Variants in CCAR1 observed in about 807,000 individuals in gnomAD.
CCAR1 encodes cell division cycle and apoptosis regulator protein 1.
Under a neutral mutation model 163.8 loss-of-function variants are expected in CCAR1, and 78 were observed. That is an observed-to-expected ratio of 0.48 (90% CI 0.40 to 0.57). The LOEUF (loss-of-function observed/expected upper bound fraction) is 0.57, where lower values mean the gene tolerates loss of function less well. CCAR1 is among the 20% of genes least tolerant of loss of function. CCAR1 has a pLI of 0.00. For missense variants in CCAR1, 1,019 were observed against 1,365.2 expected (o/e 0.75, Z 4.00); for synonymous variants, 443 against 460.7 (o/e 0.96, Z 0.49).
chr10:68,746,552 C>T (rs2056258659), intron 6 of CCAR1, among the ~76,000 whole-genome samples: 1 of 152,052 alleles, frequency 6.6e-6, no homozygotes, highest in Non-Finnish European at 1.5e-5. Context: ...CTACTGCTGC[C>T]ATCACCCAAC....
chr10:68,760,917 G>T, intron 15 of CCAR1, 90 bp from the exon 16 acceptor site: 5 of 462,436 alleles, frequency 1.1e-5, no homozygotes, highest in South Asian at 3.1e-5. Context: ...ATTGTTAATT[G>T]TAGCTAGTTT....
At position 68,772,335 on chromosome 10, in the gene CCAR1, T is replaced by C. The variant is rs372843565; in HGVS notation, c.2539-653T>C. ...CCCTCTCTACAAAAATTAGGAAAAT[T>C]AGCTGGACATGGTGGCATGTGCCTG... On this transcript the variant is annotated intron_variant, in intron 18 of 24. Coordinates refer to ENST00000265872, the MANE Select transcript of CCAR1 (RefSeq NM_018237.4). Among the ~76,000 whole-genome samples, 5 of 152,088 alleles carry C rather than the reference T, an allele frequency of 3.3e-5. No individual in the cohort carries two copies. The East Asian group carries it at 7.7e-4, about 24-fold the overall frequency.
At chr10:68,768,928 A>G (rs2056567059) in intron 17 of CCAR1, among the ~76,000 whole-genome samples, 1 of 152,214 alleles carries the variant, frequency 6.6e-6, no homozygotes, top group Non-Finnish European at 1.5e-5. Flanking sequence ...TAGCAAATAT[A>G]TCAGATTTGC....
At chr10:68,734,216 A>G (rs2056078551) in intron 2 of CCAR1, among the ~76,000 whole-genome samples, 1 of 152,164 alleles carries the variant, frequency 6.6e-6, no homozygotes, top group Non-Finnish European at 1.5e-5. Flanking sequence ...TATAAAGCAC[A>G]AATTGTTCTT....
At chr10:68,731,665 G>A (rs1390131262) in intron 2 of CCAR1, among the ~76,000 whole-genome samples, 1 of 137,328 alleles carries the variant, frequency 7.3e-6, no homozygotes, top group Non-Finnish European at 1.5e-5. Flanking sequence ...ACACAATCTC[G>A]GCTCACTGCA....
intron 5 of CCAR1, among the ~76,000 whole-genome samples, chr10:68,740,987 C>T (rs1435892335): frequency 2.6e-5 from 4 of 151,802 alleles, no homozygotes; most frequent in African/African-American, 9.7e-5. Flanking sequence ...AGTCTCGGCT[C>T]ACTGCAATCT....
rs547609163 is a variant in CCAR1 at position 68,787,421 on chromosome 10, A to G, written c.2881-506A>G. Among the ~76,000 whole-genome samples the G allele has an allele frequency of 5.3e-5, 8 of 152,272 alleles. No individual in the cohort carries two copies. The South Asian group carries it at 1.4e-3, about 28-fold the overall frequency. Reference sequence around the variant, plus strand: ...TGGTTTTCATTTATTGGATTTACCAACTATGCTGTAATAAATCATCCCTGT... The same window carrying G: ...TGGTTTTCATTTATTGGATTTACCAGCTATGCTGTAATAAATCATCCCTGT... On this transcript the variant is annotated intron_variant, in intron 21 of 24. Coordinates refer to ENST00000265872, the MANE Select transcript of CCAR1 (RefSeq NM_018237.4).
chr10:68,751,375 C>G (rs1033875384), intron 10 of CCAR1, among the ~76,000 whole-genome samples: 1 of 152,074 alleles, frequency 6.6e-6, no homozygotes, highest in Non-Finnish European at 1.5e-5. Flanking sequence ...TAGCTGCTTA[C>G]TCTTATACTT....
chr10:68,774,495 C>T (rs1285804076), intron 19 of CCAR1, among the ~76,000 whole-genome samples: 3 of 151,600 alleles, frequency 2.0e-5, no homozygotes, highest in Admixed American at 6.6e-5. Flanking sequence ...AAAAATTAGC[C>T]GGGCACGCGC....
intron 10 of CCAR1, among the ~76,000 whole-genome samples, chr10:68,752,366 C>G (rs184313282): frequency 1.1e-4 from 17 of 152,078 alleles, no homozygotes; most frequent in African/African-American, 4.1e-4. Flanking sequence ...TAAGAAACTT[C>G]GTGCCCATGA....
Position 68,770,837 on chromosome 10 carries a change from G to A in CCAR1, c.2299-369G>A, listed in dbSNP as rs2056592669. On this transcript the variant is annotated intron_variant, in intron 17 of 24. Transcript: ENST00000265872. ...TTACGCCTGTAATCCCAGCACTTTG[G>A]GAGGCCGAGGCGGGCAGATCACAAG... Among the ~76,000 whole-genome samples, 3 of 152,176 alleles carry A rather than the reference G, an allele frequency of 2.0e-5. No individual in the cohort carries two copies. The South Asian group carries it at 6.2e-4, about 32-fold the overall frequency.
chr10:68,738,903 T>C (rs1376232568), intron 4 of CCAR1, among the ~76,000 whole-genome samples: 1 of 152,066 alleles, frequency 6.6e-6, no homozygotes, highest in Non-Finnish European at 1.5e-5. Context: ...AAAAATTAGC[T>C]GGGCCTGGTG....
chr10:68,731,826 AG>A, intron 2 of CCAR1, among the ~76,000 whole-genome samples: 1 of 151,890 alleles, frequency 6.6e-6, no homozygotes, highest in East Asian at 1.9e-4. Flanking sequence ...CCTGACCTCA[AG>A]CAATTCACCC....
intron 24 of CCAR1, 133 bp from the exon 25 acceptor site, chr10:68,791,074 T>C (rs2056847316): frequency 6.2e-6 from 3 of 482,594 alleles, no homozygotes; most frequent in Non-Finnish European, 1.1e-5. Context: ...AATTTTAAGA[T>C]ACTAAAATTA....
At chr10:68,743,194 C>G (rs2056205783) in intron 6 of CCAR1, among the ~76,000 whole-genome samples, 2 of 148,224 alleles carry the variant, frequency 1.3e-5, no homozygotes, top group African/African-American at 5.0e-5. Context: ...CTTTCTTTTT[C>G]TTTTTCTTTT....
intron 15 of CCAR1, chr10:68,759,186 G>A (rs1408246651): frequency 6.6e-6 from 1 of 152,170 alleles, no homozygotes; most frequent in African/African-American, 2.4e-5. Flanking sequence ...GGCTGAAGCA[G>A]GAGGATTACT....
chr10:68,757,211 G>A, intron 14 of CCAR1, 83 bp from the exon 15 acceptor site: 1 of 775,396 alleles, frequency 1.3e-6, no homozygotes, highest in Non-Finnish European at 2.1e-6. Flanking sequence ...ACCTTGCACA[G>A]ATCAGCAACA....
intron 17 of CCAR1, among the ~76,000 whole-genome samples, chr10:68,770,125 T>C (rs1206386929): frequency 6.6e-6 from 1 of 152,182 alleles, no homozygotes; most frequent in Admixed American, 6.6e-5. Flanking sequence ...GGTTACTTTT[T>C]AAATGTCACC....
intron 21 of CCAR1, among the ~76,000 whole-genome samples, chr10:68,787,669 C>G (rs1358995778): frequency 6.6e-6 from 1 of 151,954 alleles, no homozygotes; most frequent in African/African-American, 2.4e-5. Context: ...AACCCTGTCT[C>G]TCCAAAAATA....
Sources: allele counts gnomAD v4.1 joint callset (sites outside exome capture counted in the v4.1 genomes callset), GRCh38; gene constraint gnomAD v4.1.1; transcripts MANE v1.5; gene names NCBI Gene and HGNC (gene_info 2026-07-23, HGNC 2026-07-21).